The following CAPN9 variants were observed in gnomAD, a reference collection of about 807,000 sequenced individuals.
The protein encoded by CAPN9 is calpain 9.
Under a neutral mutation model 92.8 loss-of-function variants are expected in CAPN9, and 81 were observed. That is an observed-to-expected ratio of 0.87 (90% CI 0.73 to 1.05). CAPN9 has a LOEUF of 1.05. CAPN9 is among the 50% of genes least tolerant of loss of function. CAPN9 has a pLI of 0.00. For missense variants in CAPN9, 848 were observed against 866.2 expected (o/e 0.98, Z 0.26); for synonymous variants, 304 against 328.0 (o/e 0.93, Z 0.79).
chr1:230,769,488 G>A (rs1279995355), intron 6 of CAPN9, among the ~76,000 whole-genome samples: 1 of 152,132 alleles, frequency 6.6e-6, no homozygotes, highest in Non-Finnish European at 1.5e-5. Context: ...GTAAGCGCCT[G>A]GTCTTTGTTT....
At chr1:230,779,711 G>C (rs753520120) in intron 9 of CAPN9, among the ~76,000 whole-genome samples, 1 of 152,060 alleles carries the variant, frequency 6.6e-6, no homozygotes. Context: ...TCCAATCCTC[G>C]GTGGCAAAAA....
intron 2 of CAPN9, among the ~76,000 whole-genome samples, chr1:230,756,907 A>G (rs1166161799): frequency 6.6e-6 from 1 of 151,646 alleles, no homozygotes; most frequent in South Asian, 2.1e-4. Context: ...ATGCCACTGC[A>G]CTCCAGCCTG....
In CAPN9 at chr1:230,791,741, AGAG is replaced by A; in HGVS notation, c.1658-122_1658-120del. The A allele has an allele frequency of 5.9e-6, 4 of 678,778 alleles. No individual in the cohort carries two copies. The South Asian group carries it at 7.7e-5, about 13-fold the overall frequency. 42.0% of individuals were successfully genotyped at this position (678,778 alleles called of 1,614,324 possible). Reference sequence around the variant, plus strand: ...CTTCTACTCCTACCAGCATCATAAGAGAGTAGCCACATCACAGCCCCCAACAGC... The same window carrying A: ...CTTCTACTCCTACCAGCATCATAAGATAGCCACATCACAGCCCCCAACAGC... On this transcript the variant is annotated intron_variant, in intron 14 of 19. Transcript: ENST00000271971.
In CAPN9 at chr1:230,790,575, C is replaced by T. The variant is rs28359710; in HGVS notation, c.1657+386C>T. Among the ~76,000 whole-genome samples the T allele has an allele frequency of 2.5e-3, 375 of 150,480 alleles. 7 individuals are homozygous for T. The East Asian group carries it at 0.049, about 20-fold the overall frequency. On this transcript the variant is annotated intron_variant, in intron 14 of 19. Transcript: ENST00000271971. ...AACAGTGTTAACCCTGTACCCATTTCCCCCAGCCCCAGGCAACCACTCATC... is the reference window on the plus strand; with the variant it reads ...AACAGTGTTAACCCTGTACCCATTTTCCCCAGCCCCAGGCAACCACTCATC...
chr1:230,785,955 G>A (rs781102345), intron 11 of CAPN9, 26 bp from the exon 12 acceptor site: 1 of 1,611,484 alleles, frequency 6.2e-7, no homozygotes, highest in Non-Finnish European at 8.5e-7. Flanking sequence ...CCACAATTGA[G>A]GCAGTGTGTT....
intron 8 of CAPN9, chr1:230,776,345 G>A (rs913219231): frequency 6.6e-6 from 1 of 152,112 alleles, no homozygotes; most frequent in Non-Finnish European, 1.5e-5. Context: ...CTACTACTTC[G>A]AGGGTTAGGA....
In CAPN9 at chr1:230,795,211, C is replaced by G; in HGVS notation, c.1919C>G (p.Ala640Gly). The stretch of plus-strand genomic sequence containing the variant: ...CTGCAGCTGATTGTGCTCAGGTATG[C>G]GGATGAGGAGCTCCAGCTGGACTTC... ...HLLQLIVLRY[A>G]DEELQLDFDD... The change falls in exon 18 of 20, where the codon GCG becomes GGG. Residue 640 changes from alanine (A) to glycine (G), a missense_variant. By Grantham distance (60) the Ala-to-Gly change is moderately conservative. Coordinates refer to ENST00000271971, the MANE Select transcript of CAPN9 (RefSeq NM_006615.3). 1.9e-6 allele frequency: 3 copies of G among 1,613,352 alleles called. No homozygotes were observed. The highest frequency in any genetic ancestry group is 2.5e-6 in the Non-Finnish European group (3 of 1,179,638).
intron 15 of CAPN9, 106 bp downstream of exon 15, chr1:230,792,034 C>T: frequency 2.4e-6 from 2 of 849,256 alleles, no homozygotes; most frequent in Non-Finnish European, 3.9e-6. Context: ...ACATCCTTAG[C>T]CAGCAGAATA....
rs548167059 is a variant in CAPN9, at chr1:230,780,541, A to C, written c.1314A>C (p.Arg438Ser). The stretch of plus-strand genomic sequence containing the variant: ...AACACCTGAACAAAGACTTCTTCAG[A>C]TACCACGCTTCTCGGGCCAGAAGCA... ...KDEHLNKDFF[R>S]YHASRARSKT... The change falls in exon 11 of 20, where the codon AGA (arginine) becomes AGC (serine). Residue 438 changes from arginine to serine, a missense_variant. Arg to Ser is a moderately radical substitution (Grantham distance 110). Coordinates refer to ENST00000271971, the MANE Select transcript of CAPN9 (RefSeq NM_006615.3). 1.9e-5 allele frequency: 31 copies of C among 1,614,192 alleles called. No individual in the cohort carries two copies. The Admixed American group carries it at 4.5e-4, about 23-fold the overall frequency.
intron 12 of CAPN9, among the ~76,000 whole-genome samples, chr1:230,787,280 G>C (rs1253200360): frequency 6.6e-6 from 1 of 152,154 alleles, no homozygotes; most frequent in African/African-American, 2.4e-5. Context: ...AGGTCCTTTG[G>C]CCTCCTCGTC....
intron 3 of CAPN9, 41 bp downstream of exon 3, chr1:230,759,671 G>T: frequency 1.5e-6 from 2 of 1,355,680 alleles, no homozygotes; most frequent in South Asian, 2.6e-5. Context: ...CCTCTCTGGG[G>T]CCCGGCATGA....
chr1:230,792,388 A>T (rs762267607), intron 15 of CAPN9, 38 bp from the exon 16 acceptor site: 5 of 1,589,946 alleles, frequency 3.1e-6, no homozygotes, highest in South Asian at 2.2e-5. Context: ...CCTCAGGTTG[A>T]AACACTGCTC....
At chr1:230,794,854 ACT>A (rs2102936335) in intron 17 of CAPN9, among the ~76,000 whole-genome samples, 1 of 152,180 alleles carries the variant, frequency 6.6e-6, no homozygotes, top group South Asian at 2.1e-4. Context: ...AGTCAGCGAG[ACT>A]CTATGGGTGA....
At position 230,790,140 on chromosome 1, in the gene CAPN9, G is replaced by C; in HGVS notation, c.1608G>C (p.Glu536Asp). 2 of 1,613,658 alleles carry C rather than the reference G, an allele frequency of 1.2e-6. No homozygotes were observed. Among genetic ancestry groups the C allele is most frequent in the Non-Finnish European group, 1.7e-6 (2 of 1,179,538 alleles). Residue 536 changes from glutamate (E) to aspartate (D), a missense_variant, in exon 14 of 20, where the codon GAG becomes GAC. Physicochemically the swap from Glu to Asp is conservative, Grantham distance 45. Transcript: ENST00000271971. Reference sequence around the variant, plus strand: ...TGTCTCCACTTCAACAGGACATGGAGGTGACAGCAGAGGAACTTGAGTATG... The same window carrying C: ...TGTCTCCACTTCAACAGGACATGGACGTGACAGCAGAGGAACTTGAGTATG... ...LFEQVAGEDM[E>D]VTAEELEYVL...
chr1:230,750,312 T>C (rs2102821746), intron 1 of CAPN9, among the ~76,000 whole-genome samples: 1 of 152,342 alleles, frequency 6.6e-6, no homozygotes, highest in East Asian at 1.9e-4. Flanking sequence ...CCAGGTCTAC[T>C]GTGTTGCTGT....
intron 11 of CAPN9, 89 bp downstream of exon 11, chr1:230,780,797 C>G (rs996962038): frequency 6.1e-6 from 6 of 978,928 alleles, no homozygotes; most frequent in South Asian, 1.3e-5. Context: ...AGCCAAGACT[C>G]CATTCTTCCC....
chr1:230,751,587 AAGAAAGAAAGAAAGAAAGAAAG>A (rs774955886), intron 1 of CAPN9, among the ~76,000 whole-genome samples: 7,167 of 34,540 alleles, frequency 0.21, 762 homozygotes, highest in Admixed American at 0.27. Flanking sequence ...GAAAGAAACA[AAGAAAGAAAGAAAGAAAGAAAG>A]AGAAAGAAAG....
At chr1:230,793,825 G>T (rs1668167035) in intron 17 of CAPN9, among the ~76,000 whole-genome samples, 1 of 152,210 alleles carries the variant, frequency 6.6e-6, no homozygotes, top group African/African-American at 2.4e-5. Flanking sequence ...GATTTTCTTA[G>T]GGGATGATGA....
chr1:230,779,862 A>T (rs192693792), intron 9 of CAPN9, among the ~76,000 whole-genome samples: 1 of 152,298 alleles, frequency 6.6e-6, no homozygotes, highest in East Asian at 1.9e-4. Flanking sequence ...GTGGAAAAAA[A>T]ACTGATAGAA....
Sources: gnomAD v4.1 joint callset for allele counts (sites outside exome capture counted in the v4.1 genomes callset) on GRCh38, gnomAD v4.1.1 for gene constraint, MANE v1.5 for transcripts, NCBI Gene and HGNC (gene_info 2026-07-23, HGNC 2026-07-21) for gene names.